RP1: variants seen among roughly 807,000 people sequenced by gnomAD.
RP1 encodes the protein RP1 axonemal microtubule associated, also known as oxygen-regulated protein 1.
In RP1, 16 loss-of-function variants were observed where a neutral mutation model predicts 14.8. The observed-to-expected ratio is 1.08, with a 90% CI of 0.73 to 1.65. The LOEUF (loss-of-function observed/expected upper bound fraction) is 1.65. RP1 is among the 40% of genes most tolerant of loss of function. The pLI is 0.00. For missense variants in RP1, 2,631 were observed against 2,535.0 expected (o/e 1.04, Z -0.81); for synonymous variants, 876 against 883.6 (o/e 0.99, Z 0.15).
intron 1 of RP1, among the ~76,000 whole-genome samples, chr8:54,567,907 C>T (rs1049129147): frequency 2.0e-5 from 3 of 152,144 alleles, no homozygotes; most frequent in Admixed American, 6.5e-5. Context: ...AGAAGCTTCT[C>T]TCAGATAATT....
At chr8:54,632,164 A>C (rs766965058), downstream of RP1, among the ~76,000 whole-genome samples, 8 of 152,116 alleles carry the variant, frequency 5.3e-5, no homozygotes, top group Non-Finnish European at 1.2e-4. Flanking sequence ...TTTAAAAAAA[A>C]ATTACCACTC....
chr8:54,771,859 G>C (rs1181664546), downstream of RP1, among the ~76,000 whole-genome samples: 1 of 151,996 alleles, frequency 6.6e-6, no homozygotes, highest in Non-Finnish European at 1.5e-5. Context: ...GTTACATTGT[G>C]GTTAAGAATG....
intron 1 of RP1, among the ~76,000 whole-genome samples, chr8:54,610,520 A>G (rs1805566192): frequency 6.6e-6 from 1 of 152,156 alleles, no homozygotes; most frequent in Non-Finnish European, 1.5e-5. Flanking sequence ...AATCTTCAGT[A>G]TACTGCCTAC....
At chr8:54,685,726 A>G (rs1035380302) in intron 12 of RP1, among the ~76,000 whole-genome samples, 2 of 152,138 alleles carry the variant, frequency 1.3e-5, no homozygotes, top group Non-Finnish European at 2.9e-5. Flanking sequence ...TGTGTGGCCC[A>G]AGACAATTCT....
At chr8:54,614,042 A>G (rs539629527), upstream of RP1, among the ~76,000 whole-genome samples, 20 of 152,382 alleles carry the variant, frequency 1.3e-4, no homozygotes, top group African/African-American at 4.3e-4. Flanking sequence ...CATAATGTAT[A>G]TTCTCTTACT....
chr8:54,651,053 T>C (rs1806646857), intron 4 of RP1, among the ~76,000 whole-genome samples: 1 of 152,078 alleles, frequency 6.6e-6, no homozygotes, highest in Non-Finnish European at 1.5e-5. Context: ...TTGGCATCAA[T>C]TGAGATGATT....
At chr8:54,695,040 A>G (rs1807824159) in intron 12 of RP1, among the ~76,000 whole-genome samples, 1 of 152,176 alleles carries the variant, frequency 6.6e-6, no homozygotes, top group Non-Finnish European at 1.5e-5. Context: ...CGTTGGTTTC[A>G]AAGAACATGT....
intron 9 of RP1, among the ~76,000 whole-genome samples, chr8:54,678,987 G>A (rs999518102): frequency 1.3e-5 from 2 of 151,812 alleles, no homozygotes; most frequent in East Asian, 1.9e-4. Context: ...ATTTGCTTTC[G>A]TGATAGATTT....
At chr8:54,668,191 G>C (rs1807061132) in intron 7 of RP1, among the ~76,000 whole-genome samples, 1 of 151,560 alleles carries the variant, frequency 6.6e-6, no homozygotes. Context: ...AACATATGCA[G>C]ATCAATAAAC....
chr8:54,796,135 C>G (rs1240163727), intron 24 of RP1, among the ~76,000 whole-genome samples: 1 of 152,112 alleles, frequency 6.6e-6, no homozygotes, highest in Admixed American at 6.6e-5. Context: ...AACCAGATAT[C>G]CTGGGTTCAG....
Position 54,686,388 on chromosome 8 carries a change from G to GTT in RP1, c.1717+6467_1717+6468dup, listed in dbSNP as rs34796652. 3.9e-3 allele frequency among the ~76,000 whole-genome samples: 575 copies of GTT among 147,594 alleles called. 1 individual carries two copies. Among genetic ancestry groups the GTT allele is most frequent in the African/African-American group, 8.0e-3 (322 of 40,292 alleles). On this transcript the variant is annotated intron_variant, in intron 12 of 22. Transcript: ENST00000636932. ...ACTTACAATTTTCACTCCAGAAAAAGTTTTTTTTTTTTTGCCACCATGAAC... is the reference window on the plus strand; with the variant it reads ...ACTTACAATTTTCACTCCAGAAAAAGTTTTTTTTTTTTTTTGCCACCATGAAC...
intron 23 of RP1, chr8:54,783,438 A>G (rs905363431): frequency 3.0e-5 from 15 of 507,066 alleles, no homozygotes; most frequent in Non-Finnish European, 4.3e-5. Flanking sequence ...ACTTGATTTC[A>G]CGAACTATTC....
At chr8:54,560,084 T>A (rs1241029671) in intron 1 of RP1, among the ~76,000 whole-genome samples, 1 of 152,138 alleles carries the variant, frequency 6.6e-6, no homozygotes, top group East Asian at 1.9e-4. Context: ...CTTCAGGGCA[T>A]CATGGCAGGA....
At chr8:54,642,129 C>A (rs190937364) in intron 3 of RP1, among the ~76,000 whole-genome samples, 153 of 152,232 alleles carry the variant, frequency 1.0e-3, no homozygotes, top group African/African-American at 3.5e-3. Flanking sequence ...CTGGGAAGAA[C>A]AGTTTACATA....
chr8:54,690,817 G>T (rs981019993), intron 12 of RP1, among the ~76,000 whole-genome samples: 1 of 151,974 alleles, frequency 6.6e-6, no homozygotes, highest in African/African-American at 2.4e-5. Context: ...TGTACTGCAT[G>T]TGGTTGCAAC....
chr8:54,860,106 A>G (rs1436659478), intron 27 of RP1, among the ~76,000 whole-genome samples: 1 of 152,220 alleles, frequency 6.6e-6, no homozygotes, highest in Non-Finnish European at 1.5e-5. Context: ...GCACATTTGA[A>G]GGTGAAAATA....
intron 1 of RP1, among the ~76,000 whole-genome samples, chr8:54,598,903 C>T (rs1028524706): frequency 1.6e-4 from 24 of 152,206 alleles, no homozygotes; most frequent in South Asian, 4.1e-4. Context: ...AAATTATTTT[C>T]GCTGTCTTTA....
chr8:54,817,303 G>A (rs943935985), intron 24 of RP1, among the ~76,000 whole-genome samples: 7 of 152,196 alleles, frequency 4.6e-5, no homozygotes, highest in African/African-American at 1.7e-4. Context: ...GGAGAATTGA[G>A]ACAAAGAAGA....
At chr8:54,618,694 C>T (rs186019126) in intron 1 of RP1, among the ~76,000 whole-genome samples, 89 of 152,206 alleles carry the variant, frequency 5.8e-4, no homozygotes, top group African/African-American at 2.0e-3. Context: ...CTTGCTCTGT[C>T]ATCCAGGCTG....
Sources: allele counts gnomAD v4.1 joint callset (sites outside exome capture counted in the v4.1 genomes callset), GRCh38; gene constraint gnomAD v4.1.1; transcripts MANE v1.5; gene names NCBI Gene and HGNC (gene_info 2026-07-23, HGNC 2026-07-21).